ADGRF1: variants seen among roughly 807,000 people sequenced by gnomAD.
ADGRF1 encodes the protein G protein-coupled receptor 110.
ADGRF1 carries 85 observed loss-of-function variants against 87.2 expected under a neutral mutation model. The ratio of observed to expected loss-of-function variants is 0.97; its 90% CI spans 0.82 to 1.17. The LOEUF is 1.17. ADGRF1 is among the 50% of genes most tolerant of loss of function. ADGRF1 has a pLI of 0.00. For synonymous variants in ADGRF1, 430 were observed against 408.8 expected, an observed-to-expected ratio of 1.05 and a Z score of -0.63; for missense variants, 1,169 against 1,077.2, an observed-to-expected ratio of 1.09 and a Z score of -1.19.
chr6:47,032,514 G>A (rs769462760), intron 1 of ADGRF1, among the ~76,000 whole-genome samples: 1 of 152,142 alleles, frequency 6.6e-6, no homozygotes, highest in Non-Finnish European at 1.5e-5. Context: ...TCAAAGGTGG[G>A]AAAAAATGAA....
chr6:47,019,804 GCAGA>G (rs1328819695), intron 7 of ADGRF1: 3 of 984,494 alleles, frequency 3.0e-6, no homozygotes, highest in African/African-American at 1.8e-5. Context: ...TCTCTAACAA[GCAGA>G]CAGATTATTA....
At chr6:47,030,574 A>ATT (rs1491348365) in intron 1 of ADGRF1, among the ~76,000 whole-genome samples, 7 of 99,220 alleles carry the variant, frequency 7.1e-5, no homozygotes, top group African/African-American at 2.0e-4. Context: ...GATAACATGA[A>ATT]TATGTGTGTG....
chr6:47,021,649 C>A (rs1406181904), intron 6 of ADGRF1, among the ~76,000 whole-genome samples: 1 of 152,106 alleles, frequency 6.6e-6, no homozygotes, highest in Non-Finnish European at 1.5e-5. Flanking sequence ...GCGTGAGCCA[C>A]CATGCCCGGT....
chr6:47,025,103 C>G (rs1427623170), intron 4 of ADGRF1, among the ~76,000 whole-genome samples: 1 of 152,164 alleles, frequency 6.6e-6, no homozygotes, highest in Non-Finnish European at 1.5e-5. Flanking sequence ...ATCCTATATG[C>G]CTGCCCCCTT....
intron 1 of ADGRF1, among the ~76,000 whole-genome samples, chr6:47,031,197 T>G (rs1780408245): frequency 6.6e-6 from 1 of 152,194 alleles, no homozygotes; most frequent in Non-Finnish European, 1.5e-5. Context: ...TCTGCCTCTT[T>G]GTGCCAGTCT....
intron 13 of ADGRF1, 79 bp downstream of exon 13, chr6:47,005,738 T>C: frequency 1.0e-6 from 1 of 985,554 alleles, no homozygotes; most frequent in Non-Finnish European, 1.5e-6. Context: ...AGAAGTTGGC[T>C]TGCAGCAAGA....
chr6:47,026,130 C>T (rs1049556358), intron 3 of ADGRF1, 127 bp from the exon 4 acceptor site: 1 of 733,622 alleles, frequency 1.4e-6, no homozygotes, highest in South Asian at 2.3e-5. Context: ...TTCCTGAGTT[C>T]CTCTCATCCA....
At chr6:47,001,332 G>T (rs1582131562) in intron 14 of ADGRF1, among the ~76,000 whole-genome samples, 169 bp downstream of exon 14, 1 of 152,210 alleles carries the variant, frequency 6.6e-6, no homozygotes, top group Non-Finnish European at 1.5e-5. Context: ...CACCTACATT[G>T]TTCTGTCAGC....
rs986242558 is a variant in ADGRF1 at position 47,018,676 on chromosome 6, C to A, written c.612-1908G>T. The A allele has an allele frequency of 7.1e-6, 8 of 1,124,760 alleles. No homozygotes were observed. In the African/African-American group the frequency reaches 1.3e-4, roughly 18 times the overall value. 69.7% of individuals were successfully genotyped at this position (1,124,760 alleles called of 1,614,324 possible). A position where few individuals can be genotyped will look rare whatever the true frequency, so the allele number is the denominator to read the frequency against. ...CCTGTAATCCCAGCACTTTGGGAGG[C>A]CAAGGTGTGTGGGTCATTTGAGGCC... On this transcript the variant is annotated intron_variant, in intron 7 of 14. Coordinates refer to ENST00000371253, the MANE Select transcript of ADGRF1 (RefSeq NM_153840.4).
chr6:47,022,804 C>CA (rs368851353), intron 5 of ADGRF1, among the ~76,000 whole-genome samples: 1 of 119,278 alleles, frequency 8.4e-6, no homozygotes, highest in African/African-American at 3.4e-5. Flanking sequence ...TTTCTTTTTT[C>CA]TTTTTTTTTT....
Position 47,010,039 on chromosome 6 carries a change from T to G in ADGRF1, c.1396A>C (p.Ile466Leu). The change falls in exon 11 of 15, where the codon ATT (isoleucine) becomes CTT (leucine). Residue 466 changes from isoleucine (I) to leucine (L), a missense_variant. Coordinates refer to ENST00000371253, the MANE Select transcript of ADGRF1 (RefSeq NM_153840.4). The stretch of plus-strand genomic sequence containing the variant: ...GATCTCTGGAATTGGTCTGACCCAA[T>G]TAACACACGGCCTCTGATGGGAATA... Reference protein sequence around the residue: ...TSIPIRGRVLIGSDQFQRSLP... With the variant: ...TSIPIRGRVLLGSDQFQRSLP... The G allele has an allele frequency of 6.2e-7, 1 of 1,614,162 alleles. No individual in the cohort carries two copies. Among genetic ancestry groups the G allele is most frequent in the Non-Finnish European group, 8.5e-7 (1 of 1,180,024 alleles).
chr6:47,012,805 T>C, intron 9 of ADGRF1: 2 of 981,230 alleles, frequency 2.0e-6, no homozygotes, highest in East Asian at 1.1e-4. Context: ...AGTCTTGCTC[T>C]GTCAGCCAGG....
rs1261556565 is a variant in ADGRF1 at position 46,998,103 on chromosome 6, T to C, written c.*2119A>G. The C allele has an allele frequency of 6.6e-6, 1 of 152,152 alleles. No individual in the cohort carries two copies. Among genetic ancestry groups the C allele is most frequent in the Non-Finnish European group, 1.5e-5 (1 of 68,040 alleles). The allele number at this position is 152,152 out of a possible 1,614,324, so 9.4% of individuals were successfully genotyped here. ...TTTTGCTAAGATTTCTCCCTCTCCT[T>C]CCACCCCACCTTGGACACGGAGGTT... On this transcript the variant is annotated 3_prime_UTR_variant, in exon 15 of 15. Coordinates refer to ENST00000371253, the MANE Select transcript of ADGRF1 (RefSeq NM_153840.4).
intron 1 of ADGRF1, among the ~76,000 whole-genome samples, chr6:47,036,820 A>G (rs1255124761): frequency 6.6e-6 from 1 of 152,194 alleles, no homozygotes; most frequent in Non-Finnish European, 1.5e-5. Flanking sequence ...CATTCCACCT[A>G]TCCTGAAAAT....
intron 1 of ADGRF1, among the ~76,000 whole-genome samples, chr6:47,039,167 C>T (rs977396335): frequency 5.9e-5 from 9 of 152,142 alleles, no homozygotes; most frequent in African/African-American, 2.2e-4. Flanking sequence ...TTCTTAAGGA[C>T]TTTAAAGTCT....
At chr6:47,024,458 G>A (rs114389130) in intron 4 of ADGRF1, among the ~76,000 whole-genome samples, 3,987 of 152,290 alleles carry the variant, frequency 0.026, 161 homozygotes, top group African/African-American at 0.089. Context: ...GGGATTACAG[G>A]CACGCACCAT....
At chr6:47,021,071 T>C (rs187318062) in intron 6 of ADGRF1, among the ~76,000 whole-genome samples, 15 of 152,338 alleles carry the variant, frequency 9.8e-5, no homozygotes, top group Admixed American at 9.1e-4. Flanking sequence ...AGGAGATGAA[T>C]TTGATGCCAG....
At chr6:47,020,338 C>T in intron 7 of ADGRF1, 1 of 891,660 alleles carries the variant, frequency 1.1e-6, no homozygotes, top group Non-Finnish European at 1.6e-6. Context: ...ACTAAAAATA[C>T]AAAAAAAGTT....
chr6:47,027,556 T>C, intron 3 of ADGRF1, 148 bp downstream of exon 3: 1 of 596,486 alleles, frequency 1.7e-6, no homozygotes, highest in Non-Finnish European at 3.0e-6. Flanking sequence ...GTCTTGCTCA[T>C]AGGAATTACT....
Sources: gnomAD v4.1 joint callset for allele counts (sites outside exome capture counted in the v4.1 genomes callset) on GRCh38, gnomAD v4.1.1 for gene constraint, MANE v1.5 for transcripts, NCBI Gene and HGNC (gene_info 2026-07-23, HGNC 2026-07-21) for gene names.